NRDC: variants seen among roughly 807,000 people sequenced by gnomAD.
The protein encoded by NRDC is nardilysin.
A neutral mutation model predicts 147.1 loss-of-function variants in NRDC; 54 were observed. The observed-to-expected ratio is 0.37, with a 90% CI of 0.29 to 0.46. The LOEUF is 0.46. Ranked by LOEUF, NRDC falls within the 20% of genes least tolerant of loss-of-function variation. The pLI is 1.00. For missense variants in NRDC, 1,082 were observed against 1,370.6 expected (o/e 0.79, Z 3.33); for synonymous variants, 440 against 482.1 (o/e 0.91, Z 1.14).
chr1:51,789,266 G>T lies in NRDC; in HGVS notation c.3426C>A (p.Asn1142Lys), dbSNP rs200268139. Residue 1142 changes from asparagine (N) to lysine (K), a missense_variant, in exon 31 of 31, where the codon AAC (asparagine) becomes AAA (lysine). By Grantham distance (94) the Asn-to-Lys change is moderately conservative (BLOSUM62 0). Transcript: ENST00000352171. Reference protein sequence around the residue: ...TDIRAFTTTLNLLPYHKIVK With the variant: ...TDIRAFTTTLKLLPYHKIVK ...TGACTATTTTATGGTAGGGGAGAAG[G>T]TTGAGTGTTGTTGTGAAAGCCCTGA... The T allele has an allele frequency of 2.5e-6, 4 of 1,614,122 alleles. No homozygotes were observed. In the East Asian group the frequency reaches 6.7e-5, roughly 27 times the overall value.
chr1:51,828,883 T>A (rs2747527), intron 4 of NRDC, among the ~76,000 whole-genome samples: 11,317 of 152,154 alleles, frequency 0.074, 474 homozygotes, highest in Middle Eastern at 0.22. Context: ...CATTTTTTTT[T>A]AAATCTTTAA....
intron 1 of NRDC, among the ~76,000 whole-genome samples, chr1:51,848,148 AT>A (rs2149231952): frequency 6.6e-6 from 1 of 152,304 alleles, no homozygotes; most frequent in South Asian, 2.1e-4. Flanking sequence ...GGAGGTCCTA[AT>A]AAATGAAAAA....
intron 8 of NRDC, among the ~76,000 whole-genome samples, chr1:51,820,129 A>AC (rs1235957679): frequency 1.3e-5 from 2 of 152,186 alleles, no homozygotes; most frequent in Non-Finnish European, 2.9e-5. Context: ...ACCCCCTCTC[A>AC]CCCCAATATT....
In NRDC at chr1:51,840,328, A is replaced by G; in HGVS notation, c.528T>C (p.Asp176=). ...CATCATCATGTTCATCATCAAACTCATCTTCATCATCAAAACCCTCTTCAT... is the reference window on the plus strand; with the variant it reads ...CATCATCATGTTCATCATCAAACTCGTCTTCATCATCAAAACCCTCTTCAT... The part of the protein sequence containing the change: ...DDDEEGFDDE[D]EFDDEHDDDL... The change falls in exon 2 of 31, where the codon GAT becomes GAC. Residue 176 remains aspartate (D), a synonymous_variant. Transcript: ENST00000352171. 1 of 1,536,448 alleles carries G rather than the reference A, an allele frequency of 6.5e-7. No individual in the cohort carries two copies. Among genetic ancestry groups the G allele is most frequent in the Non-Finnish European group, 9.0e-7 (1 of 1,109,818 alleles).
chr1:51,833,368 T>C (rs1571880326), intron 4 of NRDC, among the ~76,000 whole-genome samples: 1 of 150,290 alleles, frequency 6.7e-6, no homozygotes, highest in African/African-American at 2.5e-5. Flanking sequence ...CACTGAGCCA[T>C]GCATTCATGC....
At chr1:51,806,748 G>A in intron 18 of NRDC, 46 bp downstream of exon 18, 1 of 1,563,786 alleles carries the variant, frequency 6.4e-7, no homozygotes. Context: ...CATCTAAAGA[G>A]AACACTGGAA....
At chr1:51,821,929 A>T (rs1680229800) in intron 7 of NRDC, among the ~76,000 whole-genome samples, 1 of 152,126 alleles carries the variant, frequency 6.6e-6, no homozygotes, top group Non-Finnish European at 1.5e-5. Flanking sequence ...GTACTAACCC[A>T]TATTACATTA....
intron 3 of NRDC, among the ~76,000 whole-genome samples, chr1:51,835,467 GTTTTTTTTTTTTTTT>G (rs951683379): frequency 8.7e-6 from 1 of 114,626 alleles, no homozygotes. Flanking sequence ...TTTGTTTCTT[GTTTTTTTTTTTTTTT>G]TTTTGAGACA....
intron 9 of NRDC, among the ~76,000 whole-genome samples, chr1:51,819,327 A>G (rs1286879974): frequency 6.6e-6 from 1 of 152,002 alleles, no homozygotes; most frequent in Non-Finnish European, 1.5e-5. Flanking sequence ...TCCGATACAA[A>G]TGACTTCTCT....
intron 20 of NRDC, among the ~76,000 whole-genome samples, chr1:51,803,425 AG>A (rs1679299586): frequency 6.6e-6 from 1 of 151,660 alleles, no homozygotes; most frequent in African/African-American, 2.4e-5. Context: ...CAGTGAACCA[AG>A]ATCACACCAC....
At chr1:51,845,517 C>T (rs1482159795) in intron 1 of NRDC, among the ~76,000 whole-genome samples, 1 of 152,080 alleles carries the variant, frequency 6.6e-6, no homozygotes, top group South Asian at 2.1e-4. Flanking sequence ...CACTCGAACC[C>T]GGGAGGCGGA....
intron 1 of NRDC, among the ~76,000 whole-genome samples, chr1:51,868,257 C>T (rs1015625216): frequency 3.9e-5 from 6 of 151,946 alleles, no homozygotes; most frequent in African/African-American, 1.2e-4. Context: ...GAGGGCCACA[C>T]AAGAGTCACT....
In NRDC at chr1:51,816,292, C is replaced by A; in HGVS notation, c.1439+20G>T. On this transcript the variant is annotated intron_variant, in intron 11 of 30. Coordinates refer to ENST00000352171, the MANE Select transcript of NRDC (RefSeq NM_001101662.2). The stretch of plus-strand genomic sequence containing the variant: ...TTCAGAGATTGCTATACTGAAAATA[C>A]TTATTAATTGAATACTTGCTTTTTC... The A allele has an allele frequency of 1.3e-6, 2 of 1,528,878 alleles. No homozygotes were observed. The highest frequency in any genetic ancestry group is 1.9e-5 in the Admixed American group (1 of 52,978). The allele number at this position is 1,528,878 out of a possible 1,614,324, so 94.7% of individuals were successfully genotyped here.
rs747283256 is a variant in NRDC at position 51,840,239 on chromosome 1, GT to G, written c.616del (p.Thr206LeufsTer39). The G allele has an allele frequency of 3.1e-6, 5 of 1,593,952 alleles. No homozygotes were observed. Among genetic ancestry groups the G allele is most frequent in the Non-Finnish European group, 4.3e-6 (5 of 1,171,876 alleles). On this transcript the variant is annotated frameshift_variant, in exon 2 of 31. Transcript: ENST00000352171. LOFTEE classifies it high-confidence loss of function. ...CATGACTCGCACCTGTTTTTCAGTA[GT>G]TTTTTTTCTAGCTTCTGCTCTCTCT... ...LEERAEARKK[T>X]TEKQSAAALC...
At chr1:51,861,234 G>T (rs1234399353) in intron 1 of NRDC, among the ~76,000 whole-genome samples, 1 of 138,862 alleles carries the variant, frequency 7.2e-6, no homozygotes, top group African/African-American at 2.9e-5. Flanking sequence ...ACAGGCGTGA[G>T]CCACTGCACC....
At chr1:51,823,174 T>C (rs1350154801) in intron 7 of NRDC, among the ~76,000 whole-genome samples, 1 of 152,182 alleles carries the variant, frequency 6.6e-6, no homozygotes, top group Non-Finnish European at 1.5e-5. Flanking sequence ...AGTTCTGCCA[T>C]AGAGGTATTC....
chr1:51,812,269 A>G (rs2149201703), intron 14 of NRDC, among the ~76,000 whole-genome samples, 171 bp from the exon 15 acceptor site: 1 of 152,262 alleles, frequency 6.6e-6, no homozygotes, highest in East Asian at 1.9e-4. Context: ...TAGGCTGGAC[A>G]TAGTGGCTCA....
At chr1:51,796,770 C>T (rs856612) in intron 22 of NRDC, among the ~76,000 whole-genome samples, 150,040 of 150,086 alleles carry the variant, frequency 1, 74,997 homozygotes, top group Middle Eastern at 1. Flanking sequence ...GTATTTTTAG[C>T]AGAGACGGGG....
intron 22 of NRDC, 176 bp from the exon 23 acceptor site, chr1:51,795,030 G>T: frequency 6.8e-7 from 1 of 1,474,304 alleles, no homozygotes; most frequent in Non-Finnish European, 9.0e-7. Context: ...GATTGATTGT[G>T]TTTGTGGAAC....
Sources: allele counts gnomAD v4.1 joint callset (sites outside exome capture counted in the v4.1 genomes callset), GRCh38; gene constraint gnomAD v4.1.1; transcripts MANE v1.5; gene names NCBI Gene and HGNC (gene_info 2026-07-23, HGNC 2026-07-21).